CDKAL1: variants seen among roughly 807,000 people sequenced by gnomAD.
CDKAL1 encodes the protein CDKAL1 threonylcarbamoyladenosine tRNA methylthiotransferase, also known as threonylcarbamoyladenosine tRNA methylthiotransferase.
A neutral mutation model predicts 68.2 loss-of-function variants in CDKAL1; 32 were observed. The ratio of observed to expected loss-of-function variants is 0.47; its 90% CI spans 0.35 to 0.63. The LOEUF is 0.63. CDKAL1 is among the 30% of genes least tolerant of loss of function. The probability of loss-of-function intolerance (pLI) is 0.00; values close to 1 mark genes in which losing one functional copy is unlikely to be tolerated. For missense variants in CDKAL1, 606 were observed against 696.7 expected (o/e 0.87, Z 1.47); for synonymous variants, 234 against 244.3 (o/e 0.96, Z 0.39).
chr6:21,077,711 A>G (rs994443377), intron 12 of CDKAL1, among the ~76,000 whole-genome samples: 1 of 152,202 alleles, frequency 6.6e-6, no homozygotes, highest in Non-Finnish European at 1.5e-5. Flanking sequence ...TGCCCCCATG[A>G]CCCAGTCACC....
intron 8 of CDKAL1, among the ~76,000 whole-genome samples, chr6:20,832,205 AT>A (rs370331523): frequency 1.7e-3 from 266 of 152,346 alleles, no homozygotes; most frequent in African/African-American, 5.6e-3. Context: ...TAGCAAAAAA[AT>A]ATAAGGTGAG....
intron 12 of CDKAL1, among the ~76,000 whole-genome samples, chr6:21,065,959 G>C (rs1325566404): frequency 6.6e-6 from 1 of 151,420 alleles, no homozygotes; most frequent in Admixed American, 6.6e-5. Context: ...TATTAGGTTG[G>C]TGCAAAAGTA....
chr6:20,644,835 C>T (rs1768363445), intron 4 of CDKAL1, among the ~76,000 whole-genome samples: 1 of 152,168 alleles, frequency 6.6e-6, no homozygotes, highest in African/African-American at 2.4e-5. Context: ...AAGTATAGTA[C>T]AGTCATGTGT....
chr6:21,164,462 A>G (rs928065050), intron 13 of CDKAL1, among the ~76,000 whole-genome samples: 2 of 150,704 alleles, frequency 1.3e-5, no homozygotes, highest in Admixed American at 6.6e-5. Context: ...TACAAAAGCA[A>G]GTCCAGGTGC....
intron 8 of CDKAL1, among the ~76,000 whole-genome samples, chr6:20,809,970 G>A (rs1005294598): frequency 5.2e-4 from 79 of 152,240 alleles, no homozygotes; most frequent in African/African-American, 1.8e-3. Context: ...CAAGCATCAA[G>A]TTGGTTTAAA....
intron 9 of CDKAL1, among the ~76,000 whole-genome samples, chr6:20,892,807 A>G (rs994293393): frequency 6.6e-6 from 1 of 152,172 alleles, no homozygotes; most frequent in South Asian, 2.1e-4. Flanking sequence ...AGATAAGCCA[A>G]CCTTTTTGGA....
rs35030815 is a variant in CDKAL1, at chr6:20,934,900, A to ATTT, written c.743-20504_743-20502dup. Among the ~76,000 whole-genome samples, 257 of 136,618 alleles carry ATTT rather than the reference A, an allele frequency of 1.9e-3. 3 individuals carry two copies. Among genetic ancestry groups the ATTT allele is most frequent in the East Asian group, 8.7e-3 (40 of 4,624 alleles). The allele number at this position is 136,618 out of a possible 152,430, so 89.6% of individuals were successfully genotyped here. ...TTAATTACTTAATTCCGCCTTATAC[A>ATTT]TTTTTTTTTTTTTTTTTGAGTTGAA... On this transcript the variant is annotated intron_variant, in intron 9 of 15. Transcript: ENST00000274695.
At chr6:21,116,614 T>C (rs75996608) in intron 13 of CDKAL1, among the ~76,000 whole-genome samples, 10,237 of 152,102 alleles carry the variant, frequency 0.067, 410 homozygotes, top group South Asian at 0.1. Context: ...AGTGCAGAGA[T>C]TGGAAAGTTT....
intron 4 of CDKAL1, among the ~76,000 whole-genome samples, chr6:20,637,003 C>T (rs1767935434): frequency 6.8e-6 from 1 of 146,930 alleles, no homozygotes; most frequent in Non-Finnish European, 1.5e-5. Context: ...CACCACTGCA[C>T]TCCAGCCTGG....
chr6:21,080,948 T>C lies in CDKAL1; in HGVS notation c.1236+15720T>C, dbSNP rs528612753. Among the ~76,000 whole-genome samples, 36 of 152,320 alleles carry C rather than the reference T, an allele frequency of 2.4e-4. 2 individuals carry two copies. The highest frequency in any genetic ancestry group is 8.7e-4 in the African/African-American group (36 of 41,582). On this transcript the variant is annotated intron_variant, in intron 12 of 15. Transcript: ENST00000274695. The stretch of plus-strand genomic sequence containing the variant: ...AGGGATGACTGTACTTGGGAACATA[T>C]AATTGGTATTGGGAATCTTAGCATT...
intron 5 of CDKAL1, chr6:20,722,593 A>G: frequency 4.1e-6 from 1 of 242,052 alleles, no homozygotes; most frequent in Non-Finnish European, 8.2e-6. Context: ...GAGGCAGAGA[A>G]ATTGTAGACA....
Position 20,826,877 on chromosome 6 carries a change from T to C in CDKAL1, c.639-19198T>C, listed in dbSNP as rs139036192. Among the ~76,000 whole-genome samples, 379 of 152,274 alleles carry C rather than the reference T, an allele frequency of 2.5e-3. 2 individuals carry two copies. Among genetic ancestry groups the C allele is most frequent in the African/African-American group, 8.5e-3 (353 of 41,556 alleles). ...TATACTTGTATATTGTTCACAAAAT[T>C]AGCAAAAGACTTAAGATAATTGGCC... On this transcript the variant is annotated intron_variant, in intron 8 of 15. Coordinates refer to ENST00000274695, the MANE Select transcript of CDKAL1 (RefSeq NM_017774.3).
intron 4 of CDKAL1, among the ~76,000 whole-genome samples, chr6:20,574,520 A>C (rs553461534): frequency 6.6e-6 from 1 of 152,282 alleles, no homozygotes; most frequent in African/African-American, 2.4e-5. Context: ...TGAGGGCAAA[A>C]TATGTGCATG....
At chr6:20,940,351 T>C (rs1255309128) in intron 9 of CDKAL1, among the ~76,000 whole-genome samples, 1 of 152,192 alleles carries the variant, frequency 6.6e-6, no homozygotes, top group African/African-American at 2.4e-5. Flanking sequence ...GAATTAAAAT[T>C]CATGTTAATT....
At chr6:20,573,750 C>A (rs1764802202) in intron 4 of CDKAL1, among the ~76,000 whole-genome samples, 1 of 152,126 alleles carries the variant, frequency 6.6e-6, no homozygotes, top group Non-Finnish European at 1.5e-5. Flanking sequence ...CATACAGTGA[C>A]TTTAGATTGG....
At chr6:20,848,279 G>GTTTTTTTGGTTTTTT (rs753304984) in intron 9 of CDKAL1, among the ~76,000 whole-genome samples, 52 of 62,342 alleles carry the variant, frequency 8.3e-4, no homozygotes, top group African/African-American at 1.7e-3. Context: ...CTGGAAAGTT[G>GTTTTTTTGGTTTTTT]TTTTTTTTTT....
At chr6:20,756,888 C>T (rs1272427071) in intron 6 of CDKAL1, 1 of 93,894 alleles carries the variant, frequency 1.1e-5, no homozygotes, top group Non-Finnish European at 2.3e-5. Flanking sequence ...TCCTTCCTTC[C>T]TTCCTTCCTT....
At chr6:21,130,618 A>C (rs767610120) in intron 13 of CDKAL1, among the ~76,000 whole-genome samples, 31 of 152,212 alleles carry the variant, frequency 2.0e-4, no homozygotes, top group Admixed American at 9.2e-4. Context: ...TACAGATGGC[A>C]GGGGAAGTTA....
intron 9 of CDKAL1, among the ~76,000 whole-genome samples, chr6:20,948,187 T>G (rs997994901): frequency 9.2e-5 from 14 of 151,982 alleles, no homozygotes; most frequent in Non-Finnish European, 1.9e-4. Flanking sequence ...CAACTAATTT[T>G]TTTAGTTTTT....
Sources: gnomAD v4.1 joint callset for allele counts (sites outside exome capture counted in the v4.1 genomes callset) on GRCh38, gnomAD v4.1.1 for gene constraint, MANE v1.5 for transcripts, NCBI Gene and HGNC (gene_info 2026-07-23, HGNC 2026-07-21) for gene names.